Variants in REV3L observed in about 807,000 individuals in gnomAD.
REV3L encodes DNA polymerase zeta catalytic subunit.
In REV3L, 69 loss-of-function variants were observed where a neutral mutation model predicts 299.4. That is an observed-to-expected ratio of 0.23 (90% CI 0.19 to 0.28). REV3L has a LOEUF of 0.28. Among genes scored for constraint, REV3L ranks in the 10% least tolerant of loss-of-function variants. The pLI is 1.00. For synonymous variants in REV3L, 1,238 were observed against 1,271.4 expected, an observed-to-expected ratio of 0.97 and a Z score of 0.56; for missense variants, 3,128 against 3,693.8, an observed-to-expected ratio of 0.85 and a Z score of 3.97.
rs184929165 is a variant in REV3L, at chr6:111,324,018, G to C, written c.8242-1340C>G. ...TTATTCTGATTTATTTACTTATTTT[G>C]AGACAGAGTCTCGTTCTGTCACCCA... On this transcript the variant is annotated intron_variant, in intron 25 of 31. Coordinates refer to ENST00000368802, the MANE Select transcript of REV3L (RefSeq NM_001372078.1). Among the ~76,000 whole-genome samples, 14 of 152,230 alleles carry C rather than the reference G, an allele frequency of 9.2e-5. No homozygotes were observed. The East Asian group carries it at 2.3e-3, about 25-fold the overall frequency.
intron 14 of REV3L, among the ~76,000 whole-genome samples, chr6:111,366,852 G>A (rs1287588291): frequency 6.6e-6 from 1 of 152,134 alleles, no homozygotes; most frequent in Non-Finnish European, 1.5e-5. Context: ...ATGTATAAAA[G>A]CCAACAGGAA....
Position 111,466,500 on chromosome 6 carries a change from T to C in REV3L, c.139+16250A>G, listed in dbSNP as rs994970688. ...CCAGCTTTTCAGGAGGGAAAATTAC[T>C]GTATTAAATGTACATACTGTGAGAC... is the stretch of plus-strand genomic sequence containing the variant. On this transcript the variant is annotated intron_variant, in intron 1 of 31. Coordinates refer to ENST00000368802, the MANE Select transcript of REV3L (RefSeq NM_001372078.1). 2.6e-5 allele frequency among the ~76,000 whole-genome samples: 4 copies of C among 152,340 alleles called. No homozygotes were observed. The East Asian group carries it at 5.8e-4, about 22-fold the overall frequency.
intron 1 of REV3L, among the ~76,000 whole-genome samples, chr6:111,470,169 A>ATC (rs1193407636): frequency 2.2e-5 from 3 of 136,720 alleles, no homozygotes; most frequent in Non-Finnish European, 4.6e-5. Context: ...AGGGTTTACT[A>ATC]TCTCTCACAC....
At chr6:111,461,934 A>G (rs1225923828) in intron 1 of REV3L, among the ~76,000 whole-genome samples, 1 of 152,170 alleles carries the variant, frequency 6.6e-6, no homozygotes, top group Non-Finnish European at 1.5e-5. Flanking sequence ...AATATAAACA[A>G]TCTAAACACA....
At chr6:111,399,462 T>C (rs537457573) in intron 4 of REV3L, among the ~76,000 whole-genome samples, 18 of 152,202 alleles carry the variant, frequency 1.2e-4, no homozygotes, top group Non-Finnish European at 2.4e-4. Context: ...TATTTGAATG[T>C]CACCAGTTTT....
In REV3L at chr6:111,367,631, T is replaced by G; in HGVS notation, c.6157A>C (p.Met2053Leu). ...PDDKPVVPPK[M>L]DVSPCILPTT... ...GGGAGTATACATGGACTTACATCCA[T>G]TTTTGGAGGCACTACAGGTTTGTCA... is the stretch of plus-strand genomic sequence containing the variant. The change falls in exon 14 of 32, where the codon ATG becomes CTG. Residue 2053 changes from methionine to leucine, a missense_variant. Around this residue, in one of 9 missense-constraint regions of REV3L, gnomAD observed 2,409 missense variants for 2,611.8 expected, o/e 0.92. Coordinates refer to ENST00000368802, the MANE Select transcript of REV3L (RefSeq NM_001372078.1). 1 of 1,614,124 alleles carries G rather than the reference T, an allele frequency of 6.2e-7. No individual in the cohort carries two copies. Among genetic ancestry groups the G allele is most frequent in the South Asian group, 1.1e-5 (1 of 91,082 alleles).
intron 1 of REV3L, among the ~76,000 whole-genome samples, chr6:111,436,183 A>C (rs1787527374): frequency 6.6e-6 from 1 of 152,198 alleles, no homozygotes; most frequent in South Asian, 2.1e-4. Flanking sequence ...CGGATAAAGG[A>C]GAATCCTCGT....
intron 25 of REV3L, among the ~76,000 whole-genome samples, chr6:111,329,128 C>CT (rs1390051533): frequency 1.3e-5 from 2 of 152,042 alleles, no homozygotes; most frequent in Non-Finnish European, 2.9e-5. Context: ...ACTGCAACCT[C>CT]TGCCTCCTGG....
chr6:111,371,302 A>G (rs952329978), intron 13 of REV3L, among the ~76,000 whole-genome samples: 2 of 152,188 alleles, frequency 1.3e-5, no homozygotes, highest in Non-Finnish European at 2.9e-5. Context: ...ATAACTACTT[A>G]ACTACTGATA....
At chr6:111,451,328 T>A (rs1395292033) in intron 1 of REV3L, among the ~76,000 whole-genome samples, 2 of 152,198 alleles carry the variant, frequency 1.3e-5, no homozygotes, top group Non-Finnish European at 2.9e-5. Context: ...CTTTCCCAAC[T>A]TCTTCTGGGC....
chr6:111,390,937 T>C (rs1781860339), intron 5 of REV3L, among the ~76,000 whole-genome samples: 1 of 151,980 alleles, frequency 6.6e-6, no homozygotes, highest in Non-Finnish European at 1.5e-5. Context: ...GTGTGGATCC[T>C]AGTTTACTCA....
At chr6:111,338,311 CCTTTTTTTTTT>C (rs1776120620) in intron 21 of REV3L, among the ~76,000 whole-genome samples, 3 of 49,034 alleles carry the variant, frequency 6.1e-5, no homozygotes, top group South Asian at 5.7e-4. Flanking sequence ...AGTCTAAAGT[CCTTTTTTTTTT>C]TTTTTTTTTT....
intron 20 of REV3L, among the ~76,000 whole-genome samples, chr6:111,348,104 AT>A (rs929564257): frequency 1.6e-4 from 25 of 151,810 alleles, no homozygotes; most frequent in African/African-American, 6.0e-4. Context: ...GCCCAACCTA[AT>A]TGTTTTTTAT....
intron 1 of REV3L, among the ~76,000 whole-genome samples, chr6:111,437,509 T>C (rs1222077006): frequency 6.6e-6 from 1 of 151,428 alleles, no homozygotes; most frequent in East Asian, 1.9e-4. Context: ...GCATTTTTAG[T>C]ATACAATTTT....
rs9487640 is a variant in REV3L, at chr6:111,426,947, T to C, written c.140-10475A>G. On this transcript the variant is annotated intron_variant, in intron 1 of 31. Coordinates refer to ENST00000368802, the MANE Select transcript of REV3L (RefSeq NM_001372078.1). Reference sequence around the variant, plus strand: ...CCTTAGTGAAAAATAAAATTCTGGCTTGTAAAACAAACACTTTTTAGTTTC... The same window carrying C: ...CCTTAGTGAAAAATAAAATTCTGGCCTGTAAAACAAACACTTTTTAGTTTC... Among the ~76,000 whole-genome samples the C allele has an allele frequency of 3.5e-3, 533 of 152,326 alleles. 3 individuals are homozygous for C. The highest frequency in any genetic ancestry group is 0.012 in the African/African-American group (515 of 41,570).
At chr6:111,414,024 A>C (rs954910548) in intron 2 of REV3L, among the ~76,000 whole-genome samples, 1 of 152,104 alleles carries the variant, frequency 6.6e-6, no homozygotes, top group Non-Finnish European at 1.5e-5. Flanking sequence ...ATCCAACCAA[A>C]CAGTTATTGA....
intron 1 of REV3L, among the ~76,000 whole-genome samples, chr6:111,434,598 G>A (rs1311538981): frequency 1.7e-4 from 25 of 145,652 alleles, no homozygotes; most frequent in African/African-American, 4.6e-4. Context: ...TAGCCTGGGC[G>A]ACAGGGCGAG....
At chr6:111,335,327 A>T in intron 22 of REV3L, 142 bp downstream of exon 22, 15 of 965,452 alleles carry the variant, frequency 1.6e-5, no homozygotes, top group Non-Finnish European at 2.2e-5. Flanking sequence ...ATAGAAAGAG[A>T]ATAAAATGAC....
chr6:111,447,237 A>G (rs2128313223), intron 1 of REV3L, among the ~76,000 whole-genome samples: 2 of 152,334 alleles, frequency 1.3e-5, no homozygotes, highest in East Asian at 3.9e-4. Context: ...CTCTTGCCAA[A>G]TACCGTACCA....
Sources: gnomAD v4.1 joint callset for allele counts (sites outside exome capture counted in the v4.1 genomes callset) on GRCh38, gnomAD v4.1.1 for gene constraint, gnomAD v4.1.1 regional missense constraint, MANE v1.5 for transcripts, NCBI Gene and HGNC (gene_info 2026-07-23, HGNC 2026-07-21) for gene names.